Variants in IKZF2 observed in about 807,000 individuals in gnomAD.
IKZF2 encodes the protein zinc finger protein Helios.
In IKZF2, 15 loss-of-function variants were observed where a neutral mutation model predicts 49.2. That is an observed-to-expected ratio of 0.30 (90% confidence interval 0.20 to 0.47). The LOEUF is 0.47. IKZF2 is among the 20% of genes least tolerant of loss of function. The pLI is 1.00. For missense variants in IKZF2, 567 were observed against 664.6 expected, an observed-to-expected ratio of 0.85 and a Z score of 1.61; for synonymous variants, 227 against 221.4, an observed-to-expected ratio of 1.03 and a Z score of -0.23.
At chr2:213,148,519 T>C in intron 3 of IKZF2, 77 bp downstream of exon 3, 2 of 972,826 alleles carry the variant, frequency 2.1e-6, no homozygotes, top group Non-Finnish European at 3.2e-6. Context: ...TAAAGTTTCA[T>C]AATCCAGGAA....
intron 4 of IKZF2, among the ~76,000 whole-genome samples, chr2:213,139,196 T>G (rs76851036): frequency 1.6e-3 from 245 of 151,996 alleles, no homozygotes; most frequent in African/African-American, 5.6e-3. Flanking sequence ...TTAATATAGG[T>G]TACAGACTGA....
At chr2:213,012,200 A>G (rs978154299) in intron 8 of IKZF2, among the ~76,000 whole-genome samples, 1 of 151,938 alleles carries the variant, frequency 6.6e-6, no homozygotes, top group Non-Finnish European at 1.5e-5. Context: ...CCAAATAAAG[A>G]AAAATATTCT....
intron 4 of IKZF2, among the ~76,000 whole-genome samples, chr2:213,102,787 A>T (rs1367116816): frequency 1.3e-5 from 2 of 152,044 alleles, no homozygotes; most frequent in Non-Finnish European, 2.9e-5. Context: ...AAATTTTTTT[A>T]AAAAGAAGTG....
At chr2:213,080,882 A>G (rs1016783949) in intron 4 of IKZF2, among the ~76,000 whole-genome samples, 3 of 152,214 alleles carry the variant, frequency 2.0e-5, no homozygotes, top group African/African-American at 7.2e-5. Context: ...AATCCATTTA[A>G]TAAGGGATGA....
chr2:213,111,919 T>C (rs62189569), intron 4 of IKZF2, among the ~76,000 whole-genome samples: 41,285 of 152,090 alleles, frequency 0.27, 6,897 homozygotes, highest in Non-Finnish European at 0.38. Flanking sequence ...TAACAAATTA[T>C]TACTTTCAGG....
At chr2:213,073,265 T>C (rs983236756) in intron 4 of IKZF2, among the ~76,000 whole-genome samples, 2 of 152,140 alleles carry the variant, frequency 1.3e-5, no homozygotes, top group African/African-American at 4.8e-5. Flanking sequence ...AACCAATCAC[T>C]GAACTAGAAG....
chr2:213,111,494 G>A (rs1035027491), intron 4 of IKZF2, among the ~76,000 whole-genome samples: 1 of 151,770 alleles, frequency 6.6e-6, no homozygotes. Context: ...GCAGTTTATG[G>A]ATACAAAACA....
chr2:213,014,131 A>C, intron 7 of IKZF2, 197 bp from the exon 8 acceptor site: 1 of 437,676 alleles, frequency 2.3e-6, no homozygotes, highest in Non-Finnish European at 4.1e-6. Context: ...ATTTGTTTTT[A>C]TTTGAGTCTC....
intron 4 of IKZF2, among the ~76,000 whole-genome samples, chr2:213,072,947 C>A (rs1657146845): frequency 6.6e-6 from 1 of 151,986 alleles, no homozygotes; most frequent in Non-Finnish European, 1.5e-5. Flanking sequence ...AAATGATGGT[C>A]AATCAATGTT....
intron 6 of IKZF2, among the ~76,000 whole-genome samples, chr2:213,043,027 T>C (rs1699817482): frequency 2.0e-5 from 3 of 152,162 alleles, no homozygotes; most frequent in South Asian, 4.1e-4. Flanking sequence ...CAGTGTCTAC[T>C]GTCTAGGGAA....
chr2:213,095,816 T>A (rs1705908751), intron 4 of IKZF2, among the ~76,000 whole-genome samples: 1 of 152,002 alleles, frequency 6.6e-6, no homozygotes, highest in Non-Finnish European at 1.5e-5. Context: ...GAAGCAAAAT[T>A]CAGGGGAAAT....
At chr2:213,124,240 T>TCGCGCGCGCGTG (rs2060158042) in intron 4 of IKZF2, among the ~76,000 whole-genome samples, 2 of 118,344 alleles carry the variant, frequency 1.7e-5, no homozygotes, top group African/African-American at 6.9e-5. Context: ...ACACATGCGC[T>TCGCGCGCGCGTG]CGCGCGCGCG....
Position 213,151,515 on chromosome 2 carries a change from G to A in IKZF2, c.-222C>T, listed in dbSNP as rs1372731178. The A allele has an allele frequency of 6.6e-6, 1 of 152,640 alleles. No individual in the cohort carries two copies. The allele number at this position is 152,640 out of a possible 1,614,324, so 9.5% of individuals were successfully genotyped here. ...TCTTTCCTGTGCCTAACGTGTGTTT[G>A]TGCACTGCAGTTGGTGGTGGAAACT... On this transcript the variant is annotated 5_prime_UTR_variant, in exon 1 of 9. Transcript: ENST00000434687.
intron 4 of IKZF2, among the ~76,000 whole-genome samples, chr2:213,076,891 G>T (rs906400736): frequency 6.6e-6 from 1 of 152,140 alleles, no homozygotes; most frequent in Non-Finnish European, 1.5e-5. Flanking sequence ...GACAAAGCCA[G>T]ACTCCGTCTC....
intron 4 of IKZF2, among the ~76,000 whole-genome samples, chr2:213,128,727 A>T (rs1178172884): frequency 1.3e-5 from 2 of 151,918 alleles, no homozygotes; most frequent in African/African-American, 4.8e-5. Flanking sequence ...CGCCAAGTTC[A>T]AACTATTCTC....
intron 5 of IKZF2, among the ~76,000 whole-genome samples, chr2:213,055,883 C>A (rs1428178380): frequency 6.6e-6 from 1 of 151,952 alleles, no homozygotes; most frequent in African/African-American, 2.4e-5. Context: ...ATTTATATTT[C>A]TTCCAAAAAA....
intron 4 of IKZF2, among the ~76,000 whole-genome samples, chr2:213,066,350 T>C (rs989755353): frequency 6.6e-6 from 1 of 152,028 alleles, no homozygotes; most frequent in Non-Finnish European, 1.5e-5. Context: ...GCCAAAGCAG[T>C]GCAACACACT....
intron 4 of IKZF2, among the ~76,000 whole-genome samples, chr2:213,059,998 T>C (rs1701528966): frequency 6.6e-6 from 1 of 151,406 alleles, no homozygotes. Flanking sequence ...ATTTATACAG[T>C]AAATCAATAA....
chr2:213,017,147 A>G (rs150708518), intron 7 of IKZF2: 5 of 151,406 alleles, frequency 3.3e-5, no homozygotes, highest in African/African-American at 1.2e-4. Context: ...CCATGTTCCT[A>G]CTCTGCTCTT....
Sources: gnomAD v4.1 joint callset for allele counts (sites outside exome capture counted in the v4.1 genomes callset) on GRCh38, gnomAD v4.1.1 for gene constraint, MANE v1.5 for transcripts, NCBI Gene and HGNC (gene_info 2026-07-23, HGNC 2026-07-21) for gene names.